The following NT5C2 variants were observed in gnomAD, a reference collection of about 807,000 sequenced individuals.
The protein encoded by NT5C2 is cytosolic purine 5'-nucleotidase.
NT5C2 carries 58 observed loss-of-function variants against 76.1 expected under a neutral mutation model. That is an observed-to-expected ratio of 0.76 (90% CI 0.62 to 0.95). The LOEUF (loss-of-function observed/expected upper bound fraction) is 0.95, where lower values mean the gene tolerates loss of function less well. NT5C2 is among the 40% of genes least tolerant of loss of function. The probability of loss-of-function intolerance (pLI) is 0.00; values close to 1 mark genes in which losing one functional copy is unlikely to be tolerated. For synonymous variants in NT5C2, 229 were observed against 237.4 expected, an observed-to-expected ratio of 0.96 and a Z score of 0.32; for missense variants, 478 against 690.3, an observed-to-expected ratio of 0.69 and a Z score of 3.45.
At chr10:103,090,145 G>GA (rs1408460555) in intron 18 of NT5C2, 1 of 438,554 alleles carries the variant, frequency 2.3e-6, no homozygotes, top group African/African-American at 2.0e-5. Context: ...AAAAGATGGA[G>GA]AGGGGAGTTT....
intron 4 of NT5C2, among the ~76,000 whole-genome samples, 187 bp from the exon 5 acceptor site, chr10:103,106,893 G>GTTTC (rs2071432277): frequency 6.6e-6 from 1 of 152,024 alleles, no homozygotes; most frequent in Admixed American, 6.6e-5. Flanking sequence ...GTTAGTCTGT[G>GTTTC]GAAATAGGTC....
At chr10:103,092,661 C>T (rs927125142) in intron 15 of NT5C2, among the ~76,000 whole-genome samples, 4 of 152,162 alleles carry the variant, frequency 2.6e-5, no homozygotes, top group Admixed American at 6.5e-5. Flanking sequence ...ATATACACAG[C>T]ATAGCTTAGT....
In NT5C2 at chr10:103,191,178, G is replaced by A. The variant is rs537556792; in HGVS notation, c.-169+2058C>T. On this transcript the variant is annotated intron_variant, in intron 1 of 18. Coordinates refer to ENST00000404739, the MANE Select transcript of NT5C2 (RefSeq NM_001351169.2). ...AGGCCGAGGCGGGCAGATCACCTGA[G>A]GTCAGGAGTTCGAGACCAGCCTGAC... Among the ~76,000 whole-genome samples the A allele has an allele frequency of 2.8e-4, 42 of 152,098 alleles. 1 individual carries two copies. In the South Asian group the frequency reaches 8.7e-3, roughly 32 times the overall value.
chr10:103,153,071 A>G (rs770377553), intron 3 of NT5C2, among the ~76,000 whole-genome samples: 5 of 152,230 alleles, frequency 3.3e-5, no homozygotes, highest in South Asian at 4.1e-4. Flanking sequence ...CAAAATTCCT[A>G]TTAAGATTGC....
chr10:103,090,551 G>A, intron 18 of NT5C2, 60 bp downstream of exon 18: 1 of 1,455,110 alleles, frequency 6.9e-7, no homozygotes. Flanking sequence ...ATCTCACAAA[G>A]GTGGTTGCTG....
At position 103,089,237 on chromosome 10, in the gene NT5C2, A is replaced by G. The variant is rs1212060186; in HGVS notation, c.*435T>C. ...TAATACATTTCTCCACTGATATACAATACCATGTAATGCACTGGAAAAGTT... is the reference window on the plus strand; with the variant it reads ...TAATACATTTCTCCACTGATATACAGTACCATGTAATGCACTGGAAAAGTT... On this transcript the variant is annotated 3_prime_UTR_variant, in exon 19 of 19. Transcript: ENST00000404739. The G allele has an allele frequency of 4.5e-6, 1 of 221,508 alleles. No homozygotes were observed. The highest frequency in any genetic ancestry group is 9.0e-6 in the Non-Finnish European group (1 of 111,006). The allele number at this position is 221,508 out of a possible 1,614,324, so 13.7% of individuals were successfully genotyped here.
chr10:103,143,838 T>G (rs965267692), intron 3 of NT5C2, among the ~76,000 whole-genome samples: 2 of 151,780 alleles, frequency 1.3e-5, no homozygotes, highest in African/African-American at 4.8e-5. Context: ...GCCTATAGTC[T>G]CAGCTACTCA....
chr10:103,131,618 T>C (rs1414392688), intron 4 of NT5C2, among the ~76,000 whole-genome samples: 2 of 152,202 alleles, frequency 1.3e-5, no homozygotes, highest in Non-Finnish European at 2.9e-5. Flanking sequence ...TAGCCAGTAC[T>C]CTTTAAAAGT....
chr10:103,191,568 G>A (rs976083309), intron 1 of NT5C2, among the ~76,000 whole-genome samples: 3 of 152,098 alleles, frequency 2.0e-5, no homozygotes, highest in African/African-American at 7.2e-5. Flanking sequence ...GTTAAGGGTG[G>A]CAGGTACTAT....
At chr10:103,119,255 GC>G (rs2075123252) in intron 4 of NT5C2, among the ~76,000 whole-genome samples, 1 of 152,122 alleles carries the variant, frequency 6.6e-6, no homozygotes, top group South Asian at 2.1e-4. Flanking sequence ...TGAAATCCCA[GC>G]TACTCAGGAG....
At chr10:103,167,603 G>T (rs1446371026) in intron 3 of NT5C2, among the ~76,000 whole-genome samples, 1 of 151,338 alleles carries the variant, frequency 6.6e-6, no homozygotes, top group Non-Finnish European at 1.5e-5. Context: ...TTAGTATGAG[G>T]TTTAAAAAAA....
Position 103,093,201 on chromosome 10 carries a change from C to T in NT5C2, c.1097G>A (p.Trp366Ter). The change falls in exon 15 of 19, where the codon TGG becomes TAG. Residue 366 changes from tryptophan to a stop codon, truncating the protein, a stop_gained. Coordinates refer to ENST00000404739, the MANE Select transcript of NT5C2 (RefSeq NM_001351169.2). LOFTEE classifies it high-confidence loss of function. ...TTCAGGAATCACCAAAAAAGTTCGC[C>T]ACCCTTGCCGTTTCTTTGATTTTAA... ...DILKSKKRQG[W>*]RTFLVIPELA... 1 of 1,611,800 alleles carries T rather than the reference C, an allele frequency of 6.2e-7. No homozygotes were observed. Among genetic ancestry groups the T allele is most frequent in the South Asian group, 1.1e-5 (1 of 90,344 alleles).
At chr10:103,165,128 T>C (rs1281980092) in intron 3 of NT5C2, among the ~76,000 whole-genome samples, 1 of 152,202 alleles carries the variant, frequency 6.6e-6, no homozygotes, top group Non-Finnish European at 1.5e-5. Flanking sequence ...AGGGTCTCGC[T>C]CTGTTTTCCA....
At chr10:103,117,597 C>T (rs1226195654) in intron 4 of NT5C2, among the ~76,000 whole-genome samples, 1 of 152,198 alleles carries the variant, frequency 6.6e-6, no homozygotes, top group Non-Finnish European at 1.5e-5. Context: ...TAGTAAACTA[C>T]AATTGCACCA....
intron 3 of NT5C2, among the ~76,000 whole-genome samples, chr10:103,144,542 A>T (rs1320962001): frequency 6.6e-6 from 1 of 152,202 alleles, no homozygotes; most frequent in Non-Finnish European, 1.5e-5. Flanking sequence ...ATTTATGTAT[A>T]TTTTTAAGGA....
At chr10:103,130,145 G>A (rs1481210686) in intron 4 of NT5C2, among the ~76,000 whole-genome samples, 2 of 151,830 alleles carry the variant, frequency 1.3e-5, no homozygotes, top group East Asian at 1.9e-4. Flanking sequence ...TTGAGAAATC[G>A]GATGGTTACC....
At chr10:103,149,135 T>C (rs2082001180) in intron 3 of NT5C2, among the ~76,000 whole-genome samples, 1 of 152,112 alleles carries the variant, frequency 6.6e-6, no homozygotes. Context: ...ATCAGGATGG[T>C]TGATATTTTC....
intron 1 of NT5C2, among the ~76,000 whole-genome samples, chr10:103,186,938 C>T (rs935132099): frequency 2.7e-5 from 4 of 149,292 alleles, no homozygotes; most frequent in African/African-American, 9.8e-5. Context: ...AAGGCATTTA[C>T]TGACCAGATT....
rs1178418863 is a variant in NT5C2 at position 103,088,394 on chromosome 10, T to TATTTTTTGAGA, written c.*1267_*1277dup. The TATTTTTTGAGA allele has an allele frequency of 6.6e-6, 1 of 152,260 alleles. No individual in the cohort carries two copies. Among genetic ancestry groups the TATTTTTTGAGA allele is most frequent in the East Asian group, 1.9e-4 (1 of 5,206 alleles). 9.4% of individuals were successfully genotyped at this position (152,260 alleles called of 1,614,324 possible). ...GATTTCGACTTGGGATTGGGATTTT[T>TATTTTTTGAGA]ATTTTTTGAGATGGAGTTTTGTTCT... On this transcript the variant is annotated 3_prime_UTR_variant, in exon 19 of 19. Coordinates refer to ENST00000404739, the MANE Select transcript of NT5C2 (RefSeq NM_001351169.2).
Sources: gnomAD v4.1 joint callset for allele counts (sites outside exome capture counted in the v4.1 genomes callset) on GRCh38, gnomAD v4.1.1 for gene constraint, MANE v1.5 for transcripts, NCBI Gene and HGNC (gene_info 2026-07-23, HGNC 2026-07-21) for gene names.